Variants in ADGRB3 observed in about 807,000 individuals in gnomAD.
ADGRB3 encodes adhesion G protein-coupled receptor B3.
ADGRB3 carries 37 observed loss-of-function variants against 193.4 expected under a neutral mutation model. That is an observed-to-expected ratio of 0.19 (90% confidence interval 0.15 to 0.25). The LOEUF (loss-of-function observed/expected upper bound fraction) is 0.25. ADGRB3 is among the 10% of genes least tolerant of loss of function. The pLI is 1.00. For synonymous variants in ADGRB3, 690 were observed against 644.2 expected (o/e 1.07, Z -1.08); for missense variants, 1,637 against 1,852.9 (o/e 0.88, Z 2.14).
chr6:68,740,037 G>A (rs1765949091), intron 3 of ADGRB3, among the ~76,000 whole-genome samples: 1 of 152,110 alleles, frequency 6.6e-6, no homozygotes, highest in Non-Finnish European at 1.5e-5. Context: ...TTATTCAGAA[G>A]TGGCAGGTCT....
chr6:69,333,798 T>C (rs371926492), intron 24 of ADGRB3, among the ~76,000 whole-genome samples: 23 of 150,520 alleles, frequency 1.5e-4, no homozygotes, highest in South Asian at 4.2e-4. Flanking sequence ...GGCGAGGTGG[T>C]GGGCGCCTGT....
intron 3 of ADGRB3, among the ~76,000 whole-genome samples, chr6:68,887,771 G>A (rs948411301): frequency 6.6e-6 from 1 of 152,132 alleles, no homozygotes; most frequent in Non-Finnish European, 1.5e-5. Context: ...TTAAAGGGAA[G>A]TGTATACAAC....
At chr6:68,666,461 A>C (rs745998988) in intron 3 of ADGRB3, among the ~76,000 whole-genome samples, 3 of 151,814 alleles carry the variant, frequency 2.0e-5, no homozygotes, top group Non-Finnish European at 4.4e-5. Flanking sequence ...CTATCATTAC[A>C]CTTTTTGATG....
At chr6:69,069,455 C>G (rs1772006826) in intron 16 of ADGRB3, among the ~76,000 whole-genome samples, 2 of 140,422 alleles carry the variant, frequency 1.4e-5, no homozygotes, top group Non-Finnish European at 3.0e-5. Flanking sequence ...TCTGAAGTAT[C>G]ATTAAAATTA....
intron 3 of ADGRB3, among the ~76,000 whole-genome samples, chr6:68,882,413 G>A (rs976685865): frequency 6.6e-6 from 1 of 152,094 alleles, no homozygotes; most frequent in South Asian, 2.1e-4. Context: ...TGTGAATATA[G>A]GACTGTTCCT....
intron 30 of ADGRB3, among the ~76,000 whole-genome samples, chr6:69,380,131 C>A (rs1332080929): frequency 1.3e-5 from 2 of 151,912 alleles, no homozygotes; most frequent in Non-Finnish European, 2.9e-5. Flanking sequence ...CTCCAATCAG[C>A]TAATGTATAT....
intron 3 of ADGRB3, among the ~76,000 whole-genome samples, chr6:68,769,386 TG>T (rs1766572063): frequency 6.6e-6 from 1 of 152,098 alleles, no homozygotes; most frequent in South Asian, 2.1e-4. Context: ...ATGTCCTTTG[TG>T]GGGACATGGA....
chr6:68,679,166 A>C (rs1447016252), intron 3 of ADGRB3, among the ~76,000 whole-genome samples: 1 of 151,914 alleles, frequency 6.6e-6, no homozygotes, highest in Admixed American at 6.6e-5. Context: ...AAGTCTAGAC[A>C]AAAAAAATCA....
chr6:69,147,225 T>A (rs1774528599), intron 17 of ADGRB3, among the ~76,000 whole-genome samples: 1 of 152,214 alleles, frequency 6.6e-6, no homozygotes, highest in Non-Finnish European at 1.5e-5. Flanking sequence ...TTCTTTAAGA[T>A]GCATCATTAG....
chr6:68,886,767 A>T (rs187060240), intron 3 of ADGRB3, among the ~76,000 whole-genome samples: 320 of 152,208 alleles, frequency 2.1e-3, no homozygotes, highest in Non-Finnish European at 3.6e-3. Flanking sequence ...TTCTCTGTGT[A>T]TACATAAAAT....
intron 12 of ADGRB3, among the ~76,000 whole-genome samples, chr6:69,017,635 C>T (rs528680463): frequency 6.6e-6 from 1 of 151,904 alleles, no homozygotes; most frequent in South Asian, 2.1e-4. Flanking sequence ...GGCAGATGGT[C>T]CTCTAGGTAG....
chr6:69,139,312 T>C (rs554220067), intron 17 of ADGRB3, among the ~76,000 whole-genome samples: 1 of 152,322 alleles, frequency 6.6e-6, no homozygotes, highest in South Asian at 2.1e-4. Context: ...AATAAATGCC[T>C]GTGTGACTCA....
intron 3 of ADGRB3, among the ~76,000 whole-genome samples, chr6:68,677,629 C>G (rs1394548761): frequency 6.9e-6 from 1 of 144,756 alleles, no homozygotes; most frequent in African/African-American, 2.5e-5. Context: ...GGGATTCTTT[C>G]ACCTCTGCCT....
At chr6:68,957,628 G>T (rs1298230093) in intron 8 of ADGRB3, among the ~76,000 whole-genome samples, 1 of 152,130 alleles carries the variant, frequency 6.6e-6, no homozygotes, top group African/African-American at 2.4e-5. Flanking sequence ...GATCTCTCTG[G>T]CTGTCTGATT....
chr6:69,195,941 A>G (rs1418495594), intron 17 of ADGRB3, among the ~76,000 whole-genome samples: 1 of 152,166 alleles, frequency 6.6e-6, no homozygotes, highest in East Asian at 1.9e-4. Context: ...GAAAAAATGA[A>G]TAGTCTACTG....
intron 3 of ADGRB3, among the ~76,000 whole-genome samples, chr6:68,854,974 C>A (rs749532231): frequency 6.6e-6 from 1 of 152,154 alleles, no homozygotes; most frequent in Non-Finnish European, 1.5e-5. Flanking sequence ...CCTGCACCTG[C>A]TCCTACATGC....
chr6:69,328,776 T>C (rs1436741944), intron 22 of ADGRB3, among the ~76,000 whole-genome samples: 1 of 152,138 alleles, frequency 6.6e-6, no homozygotes, highest in African/African-American at 2.4e-5. Flanking sequence ...TCTATAGTAT[T>C]TTTAAAAATT....
chr6:69,100,959 G>GAAGAAGGC (rs1562159662), intron 17 of ADGRB3, among the ~76,000 whole-genome samples: 1 of 36,526 alleles, frequency 2.7e-5, no homozygotes, highest in Non-Finnish European at 6.1e-5. Flanking sequence ...AGGAGGGAGG[G>GAAGAAGGC]AGGGAGAAAG....
intron 10 of ADGRB3, among the ~76,000 whole-genome samples, chr6:68,981,689 G>T (rs1379752662): frequency 6.6e-6 from 1 of 151,270 alleles, no homozygotes; most frequent in Non-Finnish European, 1.5e-5. Flanking sequence ...AATGGGCATG[G>T]CTGTGTTTCA....
Sources: gnomAD v4.1 joint callset for allele counts (sites outside exome capture counted in the v4.1 genomes callset) on GRCh38, gnomAD v4.1.1 for gene constraint, MANE v1.5 for transcripts, NCBI Gene and HGNC (gene_info 2026-07-23, HGNC 2026-07-21) for gene names.